Variants in TTC33 observed in about 807,000 individuals in gnomAD.
TTC33 encodes the protein tetratricopeptide repeat protein 33.
A neutral mutation model predicts 29.4 loss-of-function variants in TTC33; 24 were observed. The ratio of observed to expected loss-of-function variants is 0.82; its 90% CI spans 0.59 to 1.15. The LOEUF (loss-of-function observed/expected upper bound fraction) is 1.15, where lower values mean the gene tolerates loss of function less well. Ranked by LOEUF, TTC33 falls within the 50% of genes most tolerant of loss-of-function variation. TTC33 has a pLI of 0.00. For synonymous variants in TTC33, 107 were observed against 100.3 expected, an observed-to-expected ratio of 1.07 and a Z score of -0.40; for missense variants, 286 against 310.4, an observed-to-expected ratio of 0.92 and a Z score of 0.59.
chr5:40,742,082 G>A (rs1354133180), intron 2 of TTC33, among the ~76,000 whole-genome samples: 2 of 152,006 alleles, frequency 1.3e-5, no homozygotes, highest in Admixed American at 1.3e-4. Context: ...GCTGACTACT[G>A]TCCAATGGTT....
rs1186814540 is a variant in TTC33 at position 40,726,429 on chromosome 5, AT to A, written c.435+1915del. On this transcript the variant is annotated intron_variant, in intron 4 of 4. Coordinates refer to ENST00000337702, the MANE Select transcript of TTC33 (RefSeq NM_012382.3). ...CTAGCTTGCTTTCAATATATTTTAC[AT>A]AGTGTCCCTTCGTTATGACATTTTG... is the stretch of plus-strand genomic sequence containing the variant. Among the ~76,000 whole-genome samples, 3 of 151,652 alleles carry A rather than the reference AT, an allele frequency of 2.0e-5. No homozygotes were observed. The East Asian group carries it at 5.8e-4, about 29-fold the overall frequency.
chr5:40,727,592 T>C (rs1742316953), intron 4 of TTC33, among the ~76,000 whole-genome samples: 1 of 152,220 alleles, frequency 6.6e-6, no homozygotes, highest in Non-Finnish European at 1.5e-5. Flanking sequence ...AACTTTTCAG[T>C]CTAAATGTTC....
At position 40,712,797 on chromosome 5, in the gene TTC33, C is replaced by T. The variant is rs1201003797; in HGVS notation, c.*3348G>A. On this transcript the variant is annotated 3_prime_UTR_variant, in exon 5 of 5. Coordinates refer to ENST00000337702, the MANE Select transcript of TTC33 (RefSeq NM_012382.3). Reference sequence around the variant, plus strand: ...TGGTAAATGGATAGCCTAAGAAGCACTGTGAGAGGAAGCCATCCTTACCCG... The same window carrying T: ...TGGTAAATGGATAGCCTAAGAAGCATTGTGAGAGGAAGCCATCCTTACCCG... 1.3e-5 allele frequency among the ~76,000 whole-genome samples: 2 copies of T among 152,086 alleles called. No individual in the cohort carries two copies. The highest frequency in any genetic ancestry group is 2.4e-5 in the African/African-American group (1 of 41,414).
At position 40,713,849 on chromosome 5, in the gene TTC33, ATGTT is replaced by A. The variant is rs933095874; in HGVS notation, c.*2292_*2295del. On this transcript the variant is annotated 3_prime_UTR_variant, in exon 5 of 5. Coordinates refer to ENST00000337702, the MANE Select transcript of TTC33 (RefSeq NM_012382.3). Reference sequence around the variant, plus strand: ...TTATTAAAATTAACAAGCTTAGTCTATGTTTGTATATCAGTATTCACATCCTTGT... The same window carrying A: ...TTATTAAAATTAACAAGCTTAGTCTATGTATATCAGTATTCACATCCTTGT... Among the ~76,000 whole-genome samples the A allele has an allele frequency of 1.6e-5, 2 of 123,846 alleles. No individual in the cohort carries two copies. The highest frequency in any genetic ancestry group is 5.1e-5 in the African/African-American group (2 of 39,240). 81.2% of individuals were successfully genotyped at this position (123,846 alleles called of 152,430 possible).
intron 2 of TTC33, among the ~76,000 whole-genome samples, chr5:40,741,989 C>CA (rs920512057): frequency 1.4e-3 from 217 of 150,758 alleles, no homozygotes; most frequent in African/African-American, 5.2e-3. Flanking sequence ...GACTCTGTCT[C>CA]AAAAAAAAGA....
chr5:40,731,963 TC>T (rs774848221), intron 2 of TTC33, among the ~76,000 whole-genome samples: 40 of 152,220 alleles, frequency 2.6e-4, no homozygotes, highest in Non-Finnish European at 4.1e-4. Context: ...ACAATTATTT[TC>T]CCAAAAAGTT....
chr5:40,715,025 T>C lies in TTC33; in HGVS notation c.*1120A>G, dbSNP rs1364167381. On this transcript the variant is annotated 3_prime_UTR_variant, in exon 5 of 5. Coordinates refer to ENST00000337702, the MANE Select transcript of TTC33 (RefSeq NM_012382.3). ...TATGACTGTGGACTTTCAATAAAAT[T>C]TTTTTTAATATAGCCTTTTCATACT... 6.6e-6 allele frequency: 1 copy of C among 152,058 alleles called. No homozygotes were observed. Among genetic ancestry groups the C allele is most frequent in the East Asian group, 1.9e-4 (1 of 5,192 alleles). 9.4% of individuals were successfully genotyped at this position (152,058 alleles called of 1,614,324 possible).
intron 2 of TTC33, among the ~76,000 whole-genome samples, chr5:40,737,699 T>C (rs1293540743): frequency 1.3e-5 from 2 of 152,146 alleles, no homozygotes; most frequent in Non-Finnish European, 1.5e-5. Context: ...ATAAAGAACA[T>C]TTTTGTCAAT....
chr5:40,719,372 T>A (rs1160980395), intron 4 of TTC33, among the ~76,000 whole-genome samples: 1 of 152,250 alleles, frequency 6.6e-6, no homozygotes, highest in Non-Finnish European at 1.5e-5. Context: ...TCATCCGTGT[T>A]GTAACAGGCA....
chr5:40,745,680 C>A (rs1197804337), intron 2 of TTC33, among the ~76,000 whole-genome samples: 1 of 151,304 alleles, frequency 6.6e-6, no homozygotes, highest in Non-Finnish European at 1.5e-5. Context: ...CAAGCCACCA[C>A]ACACAGCCAG....
intron 4 of TTC33, among the ~76,000 whole-genome samples, chr5:40,727,397 A>C (rs1321161586): frequency 6.6e-6 from 1 of 152,234 alleles, no homozygotes; most frequent in African/African-American, 2.4e-5. Context: ...TAGCCCTGCC[A>C]AAAGAAAAAC....
chr5:40,729,629 T>C (rs1742376311), intron 3 of TTC33, among the ~76,000 whole-genome samples: 1 of 152,230 alleles, frequency 6.6e-6, no homozygotes, highest in African/African-American at 2.4e-5. Context: ...AAGTCTACTA[T>C]ATTTAATCAC....
At chr5:40,742,676 T>C (rs1188805868) in intron 2 of TTC33, among the ~76,000 whole-genome samples, 1 of 152,106 alleles carries the variant, frequency 6.6e-6, no homozygotes, top group Admixed American at 6.5e-5. Flanking sequence ...CTGCCATCCT[T>C]GTGAGATTAA....
At chr5:40,737,567 T>A (rs982923481) in intron 2 of TTC33, among the ~76,000 whole-genome samples, 2 of 152,222 alleles carry the variant, frequency 1.3e-5, no homozygotes, top group Non-Finnish European at 2.9e-5. Flanking sequence ...AAAACTTTGT[T>A]TTTTTAATCA....
In TTC33 at chr5:40,715,894, TTAAAC is replaced by T. The variant is rs1354198496; in HGVS notation, c.*246_*250del. 5 of 380,288 alleles carry T rather than the reference TTAAAC, an allele frequency of 1.3e-5. No individual in the cohort carries two copies. Among genetic ancestry groups the T allele is most frequent in the Middle Eastern group, 7.0e-4 (1 of 1,424 alleles). 23.6% of individuals were successfully genotyped at this position (380,288 alleles called of 1,614,324 possible). A position where few individuals can be genotyped will look rare whatever the true frequency, so the allele number is the denominator to read the frequency against. On this transcript the variant is annotated 3_prime_UTR_variant, in exon 5 of 5. Transcript: ENST00000337702. ...AAATGTATTCATTTACATATTCAGA[TTAAAC>T]TAAGTTTATTAATCAAAGACCATTT... is the stretch of plus-strand genomic sequence containing the variant.
intron 4 of TTC33, among the ~76,000 whole-genome samples, chr5:40,726,043 C>T (rs1385281997): frequency 6.6e-6 from 1 of 151,770 alleles, no homozygotes; most frequent in Non-Finnish European, 1.5e-5. Flanking sequence ...CCTCGGCCTC[C>T]CAAAGTGCTG....
At chr5:40,739,570 C>T (rs1742650056) in intron 2 of TTC33, among the ~76,000 whole-genome samples, 2 of 152,120 alleles carry the variant, frequency 1.3e-5, no homozygotes, top group Admixed American at 1.3e-4. Context: ...CACTCCCACT[C>T]CCCACACTCT....
intron 1 of TTC33, among the ~76,000 whole-genome samples, chr5:40,748,987 G>C (rs1455499651): frequency 6.6e-6 from 1 of 152,102 alleles, no homozygotes; most frequent in Admixed American, 6.5e-5. Flanking sequence ...TTAGCCAGGC[G>C]TGGTGGTACA....
At chr5:40,717,249 A>G (rs1489520288) in intron 4 of TTC33, among the ~76,000 whole-genome samples, 1 of 145,240 alleles carries the variant, frequency 6.9e-6, no homozygotes, top group Non-Finnish European at 1.5e-5. Context: ...AAAAAAAAAG[A>G]TTTACATGTA....
Sources: allele counts gnomAD v4.1 joint callset (sites outside exome capture counted in the v4.1 genomes callset), GRCh38; gene constraint gnomAD v4.1.1; transcripts MANE v1.5; gene names NCBI Gene and HGNC (gene_info 2026-07-23, HGNC 2026-07-21).